The following RNF44 variants were observed in gnomAD, a reference collection of about 807,000 sequenced individuals.
RNF44 encodes the protein ring finger protein 44.
RNF44 carries 25 observed loss-of-function variants against 53.6 expected under a neutral mutation model. That is an observed-to-expected ratio of 0.47 (90% CI 0.34 to 0.65). The LOEUF (loss-of-function observed/expected upper bound fraction) is 0.65, where lower values mean the gene tolerates loss of function less well. Ranked by LOEUF, RNF44 falls within the 30% of genes least tolerant of loss-of-function variation. The pLI, the probability that RNF44 is intolerant of heterozygous loss-of-function variation, is 0.01. For missense variants in RNF44, 581 were observed against 595.5 expected (o/e 0.98, Z 0.25); for synonymous variants, 282 against 252.2 (o/e 1.12, Z -1.12).
rs573270942 is a variant in RNF44, at chr5:176,528,436, T to C, written c.*592A>G. 1 of 152,752 alleles carries C rather than the reference T, an allele frequency of 6.5e-6. No homozygotes were observed. Among genetic ancestry groups the C allele is most frequent in the African/African-American group, 2.4e-5 (1 of 41,520 alleles). The allele number at this position is 152,752 out of a possible 1,614,324, so 9.5% of individuals were successfully genotyped here. A position where few individuals can be genotyped will look rare whatever the true frequency, so the allele number is the denominator to read the frequency against. On this transcript the variant is annotated 3_prime_UTR_variant, in exon 11 of 11. Coordinates refer to ENST00000274811, the MANE Select transcript of RNF44 (RefSeq NM_014901.5). Reference sequence around the variant, plus strand: ...CTCCAGCCTGAGGGTGGGGCTGGAATGTTGTTCCTGGGATGAGGGTCCCCT... The same window carrying C: ...CTCCAGCCTGAGGGTGGGGCTGGAACGTTGTTCCTGGGATGAGGGTCCCCT...
intron 1 of RNF44, among the ~76,000 whole-genome samples, 152 bp from the exon 2 acceptor site, chr5:176,532,668 G>A (rs968730957): frequency 2.0e-5 from 3 of 150,412 alleles, no homozygotes; most frequent in Non-Finnish European, 3.0e-5. Flanking sequence ...GCTTGAACCC[G>A]GGAGGCGGAG....
chr5:176,530,504 AGCCCAGATGCAGGTCG>A, intron 6 of RNF44, 62 bp downstream of exon 6: 2 of 1,324,304 alleles, frequency 1.5e-6, no homozygotes, highest in Non-Finnish European at 2.0e-6. Flanking sequence ...GCTGCCTGGG[AGCCCAGATGCAGGTCG>A]GCCCAGCGGG....
chr5:176,532,163 C>T lies in RNF44; in HGVS notation c.138G>A (p.Pro46=), dbSNP rs563311829. 1.6e-4 allele frequency: 243 copies of T among 1,550,420 alleles called. 1 individual carries two copies. The highest frequency in any genetic ancestry group is 6.2e-4 in the South Asian group (51 of 82,422). ...SPGLEGPLAS[P]PARDERLPSQ... ...AGGGTAAGCGCTCATCCCGGGCAGG[C>T]GGGCTGGCCAGGGGGCCCTCGAGGC... Residue 46 remains proline, a synonymous_variant, in exon 3 of 11, where the codon CCG becomes CCA. Coordinates refer to ENST00000274811, the MANE Select transcript of RNF44 (RefSeq NM_014901.5).
chr5:176,529,465 G>A (rs957527440), intron 9 of RNF44, 58 bp downstream of exon 9: 4 of 1,608,194 alleles, frequency 2.5e-6, no homozygotes, highest in African/African-American at 1.3e-5. Flanking sequence ...CCCTGAGAGG[G>A]GCGTCCCACG....
At chr5:176,533,504 C>T (rs143281840) in intron 1 of RNF44, among the ~76,000 whole-genome samples, 13 of 152,264 alleles carry the variant, frequency 8.5e-5, no homozygotes, top group East Asian at 3.9e-4. Flanking sequence ...CTGCTGCCGA[C>T]GGAGAGGACC....
intron 1 of RNF44, among the ~76,000 whole-genome samples, chr5:176,533,236 T>A (rs907768422): frequency 6.6e-6 from 1 of 152,192 alleles, no homozygotes; most frequent in Non-Finnish European, 1.5e-5. Context: ...GTTCTCCTCT[T>A]ACTGGTGCCA....
chr5:176,532,276 C>T, intron 2 of RNF44, 83 bp from the exon 3 acceptor site: 4 of 1,516,438 alleles, frequency 2.6e-6, no homozygotes, highest in South Asian at 1.3e-5. Context: ...GGTGACTCCC[C>T]CCATGGGGAG....
At chr5:176,534,093 G>T (rs1408921292) in intron 1 of RNF44, among the ~76,000 whole-genome samples, 2 of 152,182 alleles carry the variant, frequency 1.3e-5, no homozygotes, top group African/African-American at 4.8e-5. Context: ...AAAGGAGCCC[G>T]CATGGGAGAC....
At chr5:176,542,517 G>A (rs973840681), upstream of RNF44, 2 of 152,182 alleles carry the variant, frequency 1.3e-5, no homozygotes, top group African/African-American at 4.8e-5. Context: ...CTGCAAAGGG[G>A]GCAGGAACCG....
At chr5:176,540,086 G>A (rs76580496), upstream of RNF44, among the ~76,000 whole-genome samples, 150 of 152,260 alleles carry the variant, frequency 9.9e-4, 1 homozygote, top group African/African-American at 3.5e-3. Context: ...ATTTTTGAAC[G>A]CAGAGCTAGA....
Position 176,529,269 on chromosome 5 carries a change from C to A in RNF44, c.1236+19G>T. 2 of 1,602,750 alleles carry A rather than the reference C, an allele frequency of 1.2e-6. No homozygotes were observed. The highest frequency in any genetic ancestry group is 1.7e-6 in the Non-Finnish European group (2 of 1,170,100). ...TCACTGCATGAGGAATACCCAGGAGCAGACCTGGGCAGTGTTACCTTCAAC... is the reference window on the plus strand; with the variant it reads ...TCACTGCATGAGGAATACCCAGGAGAAGACCTGGGCAGTGTTACCTTCAAC... On this transcript the variant is annotated intron_variant, in intron 10 of 10. Transcript: ENST00000274811.
At chr5:176,542,757 C>T (rs1757481277), upstream of RNF44, 1 of 152,350 alleles carries the variant, frequency 6.6e-6, no homozygotes, top group African/African-American at 2.4e-5. Flanking sequence ...AGCGTTCCGA[C>T]ATCCAGAATG....
In RNF44 at chr5:176,527,123, G is replaced by A. The variant is rs1756097000; in HGVS notation, c.*1905C>T. On this transcript the variant is annotated 3_prime_UTR_variant, in exon 11 of 11. Coordinates refer to ENST00000274811, the MANE Select transcript of RNF44 (RefSeq NM_014901.5). ...TTTCTAACACAGAACACAGGCGCTGGGCCCAGCCAGGGCTGGGGGAAGGTG... is the reference window on the plus strand; with the variant it reads ...TTTCTAACACAGAACACAGGCGCTGAGCCCAGCCAGGGCTGGGGGAAGGTG... 1 of 152,266 alleles carries A rather than the reference G, an allele frequency of 6.6e-6. No individual in the cohort carries two copies. The highest frequency in any genetic ancestry group is 1.5e-5 in the Non-Finnish European group (1 of 68,034). 9.4% of individuals were successfully genotyped at this position (152,266 alleles called of 1,614,324 possible).
chr5:176,539,488 G>A (rs1256276861), upstream of RNF44, among the ~76,000 whole-genome samples: 1 of 152,164 alleles, frequency 6.6e-6, no homozygotes, highest in African/African-American at 2.4e-5. Context: ...AGGAGTTTGA[G>A]ACCAGCCTGA....
rs559533106 is a variant in RNF44, at chr5:176,528,619, C to T, written c.*409G>A. ...GGCAGTGCCACCTGGGCAGAGGGCACGCCATTTCAGAGCATGAGACCTTCT... is the reference window on the plus strand; with the variant it reads ...GGCAGTGCCACCTGGGCAGAGGGCATGCCATTTCAGAGCATGAGACCTTCT... On this transcript the variant is annotated 3_prime_UTR_variant, in exon 11 of 11. Coordinates refer to ENST00000274811, the MANE Select transcript of RNF44 (RefSeq NM_014901.5). 36 of 212,842 alleles carry T rather than the reference C, an allele frequency of 1.7e-4. No individual in the cohort carries two copies. Among genetic ancestry groups the T allele is most frequent in the African/African-American group, 4.4e-4 (19 of 43,056 alleles). The allele number at this position is 212,842 out of a possible 1,614,324, so 13.2% of individuals were successfully genotyped here. A position where few individuals can be genotyped will look rare whatever the true frequency, so the allele number is the denominator to read the frequency against.
chr5:176,541,661 C>T (rs1017946864), upstream of RNF44, among the ~76,000 whole-genome samples: 36 of 152,184 alleles, frequency 2.4e-4, no homozygotes, highest in African/African-American at 8.2e-4. Context: ...GCCATGTTTC[C>T]TGCTGGGGCC....
At position 176,529,379 on chromosome 5, in the gene RNF44, A is replaced by C. The variant is rs1185326214; in HGVS notation, c.1145T>G (p.Val382Gly). Residue 382 changes from valine to glycine, a missense_variant, in exon 10 of 11, where the codon GTC becomes GGC. Val to Gly is a moderately radical substitution (Grantham distance 109). Transcript: ENST00000274811. ...CCGCGCCTCGAAGTCACTGAAGCAG[A>C]CCACACACCTGTGGAGGGGCGCGGA... ...SHQSEQTLCV[V>G]CFSDFEARQL... The C allele has an allele frequency of 6.2e-7, 1 of 1,612,764 alleles. No individual in the cohort carries two copies.
rs185062327 is a variant in RNF44 at position 176,530,352 on chromosome 5, C to T, written c.802-146G>A. The T allele has an allele frequency of 2.1e-3, 703 of 330,270 alleles. 25 individuals carry two copies. The highest frequency in any genetic ancestry group is 0.013 in the Middle Eastern group (13 of 1,036). 20.5% of individuals were successfully genotyped at this position (330,270 alleles called of 1,614,324 possible). A position where few individuals can be genotyped will look rare whatever the true frequency, so the allele number is the denominator to read the frequency against. On this transcript the variant is annotated intron_variant, in intron 6 of 10. Transcript: ENST00000274811. Reference sequence around the variant, plus strand: ...CAGCCCGGTGGGCCTGCCTCCCAGCCGCCCCGGAGCCCACGTGCAAGTCAG... The same window carrying T: ...CAGCCCGGTGGGCCTGCCTCCCAGCTGCCCCGGAGCCCACGTGCAAGTCAG...
intron 5 of RNF44, 46 bp from the exon 6 acceptor site, chr5:176,530,789 T>C: frequency 6.7e-7 from 1 of 1,481,746 alleles, no homozygotes. Flanking sequence ...GACGAGGCTG[T>C]CCTCACCCTG....
Sources: gnomAD v4.1 joint callset for allele counts (sites outside exome capture counted in the v4.1 genomes callset) on GRCh38, gnomAD v4.1.1 for gene constraint, MANE v1.5 for transcripts, NCBI Gene and HGNC (gene_info 2026-07-23, HGNC 2026-07-21) for gene names.